GPC6: variants seen among roughly 807,000 people sequenced by gnomAD.
The protein encoded by GPC6 is glypican 6.
In GPC6, 14 loss-of-function variants were observed where a neutral mutation model predicts 55.2. The observed-to-expected ratio is 0.25, with a 90% CI of 0.17 to 0.40. The LOEUF (loss-of-function observed/expected upper bound fraction) is 0.40, where lower values mean the gene tolerates loss of function less well. Ranked by LOEUF, GPC6 falls within the 10% of genes least tolerant of loss-of-function variation. The probability of loss-of-function intolerance (pLI) is 1.00; values close to 1 mark genes in which losing one functional copy is unlikely to be tolerated. For synonymous variants in GPC6, 278 were observed against 259.6 expected (o/e 1.07, Z -0.68); for missense variants, 641 against 708.5 (o/e 0.90, Z 1.08).
intron 1 of GPC6, among the ~76,000 whole-genome samples, chr13:93,485,292 A>C (rs1566380969): frequency 6.6e-6 from 1 of 152,208 alleles, no homozygotes; most frequent in Non-Finnish European, 1.5e-5. Flanking sequence ...CGGTGGCATC[A>C]TAAGATTTTG....
intron 1 of GPC6, among the ~76,000 whole-genome samples, chr13:93,243,013 C>G (rs922119855): frequency 2.0e-5 from 3 of 152,144 alleles, no homozygotes; most frequent in Non-Finnish European, 4.4e-5. Flanking sequence ...CAGGTTGGGA[C>G]CGGGGGAACA....
At chr13:94,382,245 C>A (rs1003606006) in intron 6 of GPC6, among the ~76,000 whole-genome samples, 169 bp from the exon 7 acceptor site, 6 of 152,176 alleles carry the variant, frequency 3.9e-5, no homozygotes, top group Admixed American at 2.6e-4. Context: ...GGAAAGGAGG[C>A]TTTCCCGGGC....
chr13:93,978,774 A>G (rs932198735), intron 3 of GPC6, among the ~76,000 whole-genome samples: 3 of 152,130 alleles, frequency 2.0e-5, no homozygotes, highest in Non-Finnish European at 4.4e-5. Flanking sequence ...CAAAGGTAAG[A>G]CTTATTTATT....
intron 1 of GPC6, among the ~76,000 whole-genome samples, chr13:93,311,214 T>C (rs868656077): frequency 2.0e-5 from 3 of 152,218 alleles, no homozygotes; most frequent in Admixed American, 6.5e-5. Flanking sequence ...TGGAAGGCTT[T>C]GGTTTTCAGA....
At chr13:93,952,865 T>C (rs1265891556) in intron 3 of GPC6, among the ~76,000 whole-genome samples, 9 of 109,336 alleles carry the variant, frequency 8.2e-5, no homozygotes, top group Non-Finnish European at 1.5e-4. Flanking sequence ...TATATATATG[T>C]ATATATATAC....
chr13:93,424,759 T>G (rs1004607805), intron 1 of GPC6, among the ~76,000 whole-genome samples: 4 of 152,166 alleles, frequency 2.6e-5, no homozygotes, highest in African/African-American at 7.2e-5. Flanking sequence ...ACGTTTTCAT[T>G]GAATTATTTT....
intron 4 of GPC6, among the ~76,000 whole-genome samples, chr13:94,284,755 G>A (rs906430325): frequency 1.3e-5 from 2 of 151,568 alleles, no homozygotes; most frequent in East Asian, 1.9e-4. Context: ...GCGTTTCAAT[G>A]TATTTGCATA....
chr13:93,937,055 G>A (rs946665962), intron 3 of GPC6, among the ~76,000 whole-genome samples: 16 of 152,346 alleles, frequency 1.1e-4, no homozygotes, highest in African/African-American at 3.8e-4. Flanking sequence ...AGGAGAAGCA[G>A]AGAGAAAGGA....
intron 2 of GPC6, among the ~76,000 whole-genome samples, chr13:93,680,939 G>A (rs189219003): frequency 1.3e-5 from 2 of 152,262 alleles, no homozygotes; most frequent in East Asian, 1.9e-4. Flanking sequence ...GCTAGGAAGG[G>A]TACCAGACTG....
chr13:93,572,010 T>G (rs1395530842), intron 2 of GPC6, among the ~76,000 whole-genome samples: 1 of 152,174 alleles, frequency 6.6e-6, no homozygotes, highest in African/African-American at 2.4e-5. Flanking sequence ...ATTTTAGAAT[T>G]GAGATAATTG....
At chr13:93,228,410 A>T (rs890738935) in intron 1 of GPC6, among the ~76,000 whole-genome samples, 1 of 151,924 alleles carries the variant, frequency 6.6e-6, no homozygotes, top group Non-Finnish European at 1.5e-5. Flanking sequence ...TCAGCTGGGG[A>T]TTCGGGTCCG....
chr13:94,115,083 T>G (rs1174765053), intron 4 of GPC6, among the ~76,000 whole-genome samples: 1 of 152,168 alleles, frequency 6.6e-6, no homozygotes, highest in Non-Finnish European at 1.5e-5. Flanking sequence ...ATATTTTATC[T>G]GATTTCAACT....
intron 6 of GPC6, among the ~76,000 whole-genome samples, chr13:94,333,299 A>ATCTC (rs1275346955): frequency 2.6e-5 from 4 of 152,184 alleles, no homozygotes. Flanking sequence ...ATGGCCATAA[A>ATCTC]TCTCACTAAT....
At chr13:94,373,061 T>C (rs1879659252) in intron 6 of GPC6, among the ~76,000 whole-genome samples, 1 of 152,198 alleles carries the variant, frequency 6.6e-6, no homozygotes, top group Admixed American at 6.5e-5. Context: ...AAACCCCATC[T>C]GTACATCACC....
At chr13:93,786,148 A>G (rs1484037121) in intron 2 of GPC6, among the ~76,000 whole-genome samples, 8 of 152,168 alleles carry the variant, frequency 5.3e-5, no homozygotes, top group Non-Finnish European at 1.0e-4. Flanking sequence ...ATAAGATTAG[A>G]TAAAAGAAGA....
intron 3 of GPC6, among the ~76,000 whole-genome samples, chr13:93,946,727 T>A (rs1239628310): frequency 6.6e-6 from 1 of 152,198 alleles, no homozygotes; most frequent in Non-Finnish European, 1.5e-5. Context: ...AACCCCAAGC[T>A]CATCCATTCT....
intron 1 of GPC6, among the ~76,000 whole-genome samples, chr13:93,459,805 A>T (rs1878612274): frequency 6.6e-6 from 1 of 152,190 alleles, no homozygotes; most frequent in African/African-American, 2.4e-5. Flanking sequence ...ATAATTTTAG[A>T]ATTAGTGCTA....
Position 94,403,042 on chromosome 13 carries a change from G to T in GPC6, c.1493G>T (p.Gly498Val). 1 of 1,612,884 alleles carries T rather than the reference G, an allele frequency of 6.2e-7. No homozygotes were observed. The highest frequency in any genetic ancestry group is 1.1e-5 in the South Asian group (1 of 91,042). ...GATGAATCCAGTGGCTCAGGGAGTG[G>T]CAGTGGGTGCATGGATGACGTGTGT... ...TSDESSGSGS[G>V]SGCMDDVCPT... is the part of the protein sequence containing the mutation. The change falls in exon 9 of 9, where the codon GGC becomes GTC. Residue 498 changes from glycine (G) to valine (V), a missense_variant. Gly to Val is a moderately radical substitution (Grantham distance 109). Transcript: ENST00000377047.
chr13:94,276,474 A>ATTT (rs113131169), intron 4 of GPC6, among the ~76,000 whole-genome samples: 63,395 of 151,332 alleles, frequency 0.42, 13,572 homozygotes, highest in African/African-American at 0.49. Context: ...TCTCATTTTT[A>ATTT]TTTTTATTTT....
Sources: allele counts gnomAD v4.1 joint callset (sites outside exome capture counted in the v4.1 genomes callset), GRCh38; gene constraint gnomAD v4.1.1; transcripts MANE v1.5; gene names NCBI Gene and HGNC (gene_info 2026-07-23, HGNC 2026-07-21).